Variants in EPHB1 observed in about 807,000 individuals in gnomAD.
EPHB1 encodes the protein ephrin type-B receptor 1.
Under a neutral mutation model 94.4 loss-of-function variants are expected in EPHB1, and 30 were observed. The observed-to-expected ratio is 0.32, with a 90% CI of 0.24 to 0.43. The LOEUF (loss-of-function observed/expected upper bound fraction) is 0.43, where lower values mean the gene tolerates loss of function less well. Among genes scored for constraint, EPHB1 ranks in the 20% least tolerant of loss-of-function variants. EPHB1 has a pLI of 1.00. For synonymous variants in EPHB1, 522 were observed against 489.1 expected (o/e 1.07, Z -0.89); for missense variants, 1,055 against 1,308.3 (o/e 0.81, Z 2.99).
At position 135,000,088 on chromosome 3, in the gene EPHB1, C is replaced by T. The variant is rs1040756256; in HGVS notation, c.805+48036C>T. ...CACCCCTATGCATCCTGCCCACCTC[C>T]TCACTGGAAATTTACTTCTCCAGGA... On this transcript the variant is annotated intron_variant, in intron 3 of 15. Coordinates refer to ENST00000398015, the MANE Select transcript of EPHB1 (RefSeq NM_004441.5). Among the ~76,000 whole-genome samples, 6 of 152,346 alleles carry T rather than the reference C, an allele frequency of 3.9e-5. No homozygotes were observed. In the East Asian group the frequency reaches 5.8e-4, roughly 15 times the overall value.
intron 3 of EPHB1, among the ~76,000 whole-genome samples, chr3:135,084,846 T>A (rs1272362220): frequency 2.0e-5 from 3 of 152,232 alleles, no homozygotes; most frequent in Non-Finnish European, 4.4e-5. Flanking sequence ...TAGGCCCAGA[T>A]AAGCAGACGT....
Position 135,248,463 on chromosome 3 carries a change from A to G in EPHB1, c.2644A>G (p.Ile882Val), listed in dbSNP as rs1291463395. ...AEIVNTLDKMIRNPASLKTVA... is the reference protein window; with the variant it reads ...AEIVNTLDKMVRNPASLKTVA... ...GATTGTCAACACCCTAGATAAGATG[A>G]TCCGGAACCCGGCAAGTCTCAAGAC... The change falls in exon 14 of 16, where the codon ATC (isoleucine) becomes GTC (valine). Residue 882 changes from isoleucine to valine, a missense_variant. By Grantham distance (29) the Ile-to-Val change is conservative. Coordinates refer to ENST00000398015, the MANE Select transcript of EPHB1 (RefSeq NM_004441.5). 6.2e-7 allele frequency: 1 copy of G among 1,613,004 alleles called. No homozygotes were observed. Among genetic ancestry groups the G allele is most frequent in the Middle Eastern group, 1.6e-4 (1 of 6,080 alleles).
chr3:135,248,262 T>A, intron 13 of EPHB1, 54 bp from the exon 14 acceptor site: 2 of 1,465,088 alleles, frequency 1.4e-6, no homozygotes, highest in Non-Finnish European at 1.8e-6. Flanking sequence ...AATTTGTGAG[T>A]GACTGGCTGG....
At chr3:135,180,355 G>A (rs536504700) in intron 10 of EPHB1, among the ~76,000 whole-genome samples, 1 of 152,294 alleles carries the variant, frequency 6.6e-6, no homozygotes, top group East Asian at 1.9e-4. Flanking sequence ...ATATCTCAAT[G>A]GGTTAAAGTC....
At chr3:135,237,393 A>T (rs2107726651) in intron 12 of EPHB1, among the ~76,000 whole-genome samples, 2 of 152,274 alleles carry the variant, frequency 1.3e-5, no homozygotes, top group Admixed American at 1.3e-4. Context: ...AAACATTTGA[A>T]GAATTCTTGG....
At chr3:135,203,388 G>A (rs1218363644) in intron 12 of EPHB1, among the ~76,000 whole-genome samples, 1 of 152,030 alleles carries the variant, frequency 6.6e-6, no homozygotes, top group Non-Finnish European at 1.5e-5. Context: ...TATTCTGTGT[G>A]TGTATCCCAG....
At chr3:135,001,667 G>A (rs981096681) in intron 3 of EPHB1, among the ~76,000 whole-genome samples, 3 of 152,078 alleles carry the variant, frequency 2.0e-5, no homozygotes, top group African/African-American at 4.8e-5. Flanking sequence ...CCTAGGTGTC[G>A]GGCATGCACT....
At chr3:134,903,360 T>A (rs2038244695) in intron 1 of EPHB1, among the ~76,000 whole-genome samples, 1 of 152,034 alleles carries the variant, frequency 6.6e-6, no homozygotes, top group South Asian at 2.1e-4. Context: ...CAAGGGTGAG[T>A]GTATGGAATG....
rs1933547134 is a variant in EPHB1 at position 135,259,230 on chromosome 3, A to G, written c.*110A>G. ...GAGAGACTGGCTTCTCAGCTGAGGAATGCATTTCCATCAGTGAAGAATCAA... is the reference window on the plus strand; with the variant it reads ...GAGAGACTGGCTTCTCAGCTGAGGAGTGCATTTCCATCAGTGAAGAATCAA... On this transcript the variant is annotated 3_prime_UTR_variant, in exon 16 of 16. Transcript: ENST00000398015. 1.3e-6 allele frequency: 1 copy of G among 790,968 alleles called. No homozygotes were observed. The highest frequency in any genetic ancestry group is 2.0e-6 in the Non-Finnish European group (1 of 494,418). 49.0% of individuals were successfully genotyped at this position (790,968 alleles called of 1,614,324 possible). A position where few individuals can be genotyped will look rare whatever the true frequency, so the allele number is the denominator to read the frequency against.
chr3:134,871,877 A>G (rs2037506611), intron 1 of EPHB1, among the ~76,000 whole-genome samples: 1 of 152,134 alleles, frequency 6.6e-6, no homozygotes. Context: ...CCTCCAAACA[A>G]GGGTCATTTT....
intron 3 of EPHB1, among the ~76,000 whole-genome samples, chr3:134,956,030 T>C (rs996967612): frequency 6.6e-6 from 1 of 152,136 alleles, no homozygotes; most frequent in African/African-American, 2.4e-5. Context: ...AGACTCTCTC[T>C]CTCTCTCTAC....
intron 1 of EPHB1, among the ~76,000 whole-genome samples, chr3:134,882,814 C>CTTTCTTTCTTTCTTTTCTTTCT (rs755049842): frequency 3.2e-5 from 3 of 93,134 alleles, no homozygotes; most frequent in African/African-American, 1.2e-4. Context: ...TTCTTTCTTT[C>CTTTCTTTCTTTCTTTTCTTTCT]TTTCTTTCTT....
chr3:134,899,552 T>C (rs2038156626), intron 1 of EPHB1, among the ~76,000 whole-genome samples: 1 of 152,242 alleles, frequency 6.6e-6, no homozygotes, highest in Admixed American at 6.5e-5. Context: ...AAAGGCAGAA[T>C]AAATATCTTT....
chr3:135,101,309 T>C (rs1046853287), intron 3 of EPHB1, among the ~76,000 whole-genome samples: 5 of 152,160 alleles, frequency 3.3e-5, no homozygotes, highest in African/African-American at 1.2e-4. Flanking sequence ...TGTCTTTTCC[T>C]CTTCTTCTGA....
chr3:134,797,675 C>T (rs1167774954), intron 1 of EPHB1, among the ~76,000 whole-genome samples: 3 of 152,204 alleles, frequency 2.0e-5, no homozygotes, highest in Non-Finnish European at 4.4e-5. Flanking sequence ...GTCTGCTTGC[C>T]GGAAGCTGCC....
chr3:134,923,298 A>T (rs903572001), intron 1 of EPHB1, among the ~76,000 whole-genome samples: 1 of 152,178 alleles, frequency 6.6e-6, no homozygotes, highest in African/African-American at 2.4e-5. Context: ...GGGTAGCAGA[A>T]GTGCTATCTG....
chr3:135,083,925 TC>T (rs1432510609), intron 3 of EPHB1, among the ~76,000 whole-genome samples: 2 of 152,010 alleles, frequency 1.3e-5, no homozygotes, highest in Non-Finnish European at 2.9e-5. Flanking sequence ...CCCCCTCCCT[TC>T]CCAGGAGCAG....
chr3:135,022,172 A>G (rs975725043), intron 3 of EPHB1, among the ~76,000 whole-genome samples: 3 of 152,020 alleles, frequency 2.0e-5, no homozygotes, highest in Non-Finnish European at 4.4e-5. Context: ...AGGTTTCACC[A>G]TGTTAGCCAG....
At chr3:135,204,628 G>A (rs929207520) in intron 12 of EPHB1, among the ~76,000 whole-genome samples, 1 of 151,668 alleles carries the variant, frequency 6.6e-6, no homozygotes, top group African/African-American at 2.4e-5. Flanking sequence ...AGCCTCCTGA[G>A]TAGCTGGGAC....
Sources: gnomAD v4.1 joint callset for allele counts (sites outside exome capture counted in the v4.1 genomes callset) on GRCh38, gnomAD v4.1.1 for gene constraint, MANE v1.5 for transcripts, NCBI Gene and HGNC (gene_info 2026-07-23, HGNC 2026-07-21) for gene names.